The following LSAMP variants were observed in gnomAD, a reference collection of about 807,000 sequenced individuals.
The protein encoded by LSAMP is limbic system associated membrane protein, also known as limbic system-associated membrane protein.
A neutral mutation model predicts 38.6 loss-of-function variants in LSAMP; 7 were observed. That is an observed-to-expected ratio of 0.18 (90% CI 0.10 to 0.34). The LOEUF (loss-of-function observed/expected upper bound fraction) is 0.34, where lower values mean the gene tolerates loss of function less well. LSAMP is among the 10% of genes least tolerant of loss of function. The pLI is 1.00. For synonymous variants in LSAMP, 154 were observed against 166.8 expected (o/e 0.92, Z 0.59); for missense variants, 313 against 420.0 (o/e 0.75, Z 2.23).
chr3:115,992,692 G>C (rs1939705780), intron 3 of LSAMP, among the ~76,000 whole-genome samples: 1 of 151,928 alleles, frequency 6.6e-6, no homozygotes, highest in South Asian at 2.1e-4. Flanking sequence ...ATCAGATAAT[G>C]TCGATACAGT....
intron 1 of LSAMP, among the ~76,000 whole-genome samples, chr3:116,414,443 T>A (rs1231632136): frequency 6.6e-6 from 1 of 152,138 alleles, no homozygotes; most frequent in Non-Finnish European, 1.5e-5. Flanking sequence ...TTCATTCATC[T>A]ATTTATTTAT....
chr3:116,198,981 G>C (rs530843969), intron 1 of LSAMP, among the ~76,000 whole-genome samples: 2 of 152,046 alleles, frequency 1.3e-5, no homozygotes, highest in Non-Finnish European at 2.9e-5. Context: ...CTACTCAGGA[G>C]GCTATGGCAG....
chr3:115,980,529 T>C (rs1419202546), intron 3 of LSAMP, among the ~76,000 whole-genome samples: 5 of 152,188 alleles, frequency 3.3e-5, no homozygotes, highest in African/African-American at 1.2e-4. Flanking sequence ...AACAGTTCTA[T>C]ATTTATTTCC....
chr3:115,839,232 T>C (rs1303924181), intron 6 of LSAMP, among the ~76,000 whole-genome samples: 16 of 132,152 alleles, frequency 1.2e-4, no homozygotes, highest in East Asian at 5.2e-4. Flanking sequence ...CTCCCTCCCT[T>C]CCTTCTTTCC....
At chr3:115,984,478 G>C (rs1039635420) in intron 3 of LSAMP, among the ~76,000 whole-genome samples, 12 of 152,142 alleles carry the variant, frequency 7.9e-5, no homozygotes, top group Non-Finnish European at 1.8e-4. Flanking sequence ...TCTACTATAG[G>C]TACAAAGTGT....
chr3:115,899,704 C>A (rs72955548), intron 3 of LSAMP, among the ~76,000 whole-genome samples: 1,526 of 152,226 alleles, frequency 0.01, 23 homozygotes, highest in African/African-American at 0.033. Context: ...GTATCTAACT[C>A]TATACATAGT....
intron 1 of LSAMP, among the ~76,000 whole-genome samples, chr3:116,298,380 G>C (rs969740515): frequency 6.6e-6 from 1 of 151,982 alleles, no homozygotes; most frequent in Non-Finnish European, 1.5e-5. Flanking sequence ...ATATTTGCTG[G>C]CTCCACATGT....
intron 3 of LSAMP, among the ~76,000 whole-genome samples, chr3:115,967,379 ATAT>A (rs1223944549): frequency 6.6e-6 from 1 of 152,158 alleles, no homozygotes; most frequent in African/African-American, 2.4e-5. Flanking sequence ...TTCATTGTCC[ATAT>A]TATTATCAAC....
In LSAMP at chr3:115,841,873, C is replaced by T. The variant is rs750192060; in HGVS notation, c.891G>A (p.Gly297=). 2.2e-5 allele frequency: 36 copies of T among 1,613,614 alleles called. No homozygotes were observed. Among genetic ancestry groups the T allele is most frequent in the Non-Finnish European group, 3.1e-5 (36 of 1,179,840 alleles). The change falls in exon 6 of 7, where the codon GGG becomes GGA. Residue 297 remains glycine (G), a synonymous_variant. Transcript: ENST00000490035. The stretch of plus-strand genomic sequence containing the variant: ...AAAGGACTAGGCTGGCATTGGTGAC[C>T]CCCAGCTTGTTGGCAGCCACACAGG... ...NYTCVAANKL[G]VTNASLVLFR...
rs549038956 is a variant in LSAMP at position 116,235,393 on chromosome 3, G to A, written c.156-148837C>T. ...GGTCTCCCAAGTTGCTGGAATTATA[G>A]GCATGAGCCACCACACCCAGGCTTT... On this transcript the variant is annotated intron_variant, in intron 1 of 6. Transcript: ENST00000490035. 6.6e-4 allele frequency among the ~76,000 whole-genome samples: 100 copies of A among 152,132 alleles called. 1 individual carries two copies. The highest frequency in any genetic ancestry group is 2.4e-3 in the African/African-American group (98 of 41,492).
chr3:116,299,059 T>C (rs1201586177), intron 1 of LSAMP, among the ~76,000 whole-genome samples: 5 of 152,334 alleles, frequency 3.3e-5, no homozygotes, highest in African/African-American at 1.2e-4. Context: ...TATGCAAATG[T>C]CTCAGAGCAC....
Position 116,294,015 on chromosome 3 carries a change from T to G in LSAMP, c.155+150862A>C, listed in dbSNP as rs115474417. Among the ~76,000 whole-genome samples, 948 of 152,244 alleles carry G rather than the reference T, an allele frequency of 6.2e-3. 7 individuals carry two copies. The highest frequency in any genetic ancestry group is 0.021 in the African/African-American group (892 of 41,544). The stretch of plus-strand genomic sequence containing the variant: ...TATTAGTCATTTACTTCATTGGTTG[T>G]TTGATTCTCTAGCTGAAAGGATGAA... On this transcript the variant is annotated intron_variant, in intron 1 of 6. Coordinates refer to ENST00000490035, the MANE Select transcript of LSAMP (RefSeq NM_002338.5).
chr3:115,879,062 A>C (rs16824235), intron 3 of LSAMP, among the ~76,000 whole-genome samples: 1 of 152,066 alleles, frequency 6.6e-6, no homozygotes, highest in Non-Finnish European at 1.5e-5. Context: ...TAGGCCCTAC[A>C]TAATCACTCT....
chr3:116,427,598 C>A (rs2049219897), intron 1 of LSAMP, among the ~76,000 whole-genome samples: 1 of 152,050 alleles, frequency 6.6e-6, no homozygotes, highest in Non-Finnish European at 1.5e-5. Context: ...GTGGGGCTTG[C>A]AATTTTTACA....
chr3:116,016,548 C>T (rs1451590966), intron 3 of LSAMP, among the ~76,000 whole-genome samples: 1 of 152,152 alleles, frequency 6.6e-6, no homozygotes, highest in Non-Finnish European at 1.5e-5. Context: ...AATCCTTGTC[C>T]TATGTCCCAA....
chr3:115,893,043 A>C (rs1936640472), intron 3 of LSAMP, among the ~76,000 whole-genome samples: 1 of 151,958 alleles, frequency 6.6e-6, no homozygotes, highest in Non-Finnish European at 1.5e-5. Context: ...AAACTAACAC[A>C]GGAACAGAAA....
intron 6 of LSAMP, among the ~76,000 whole-genome samples, chr3:115,829,292 A>G (rs1021387935): frequency 1.3e-5 from 2 of 152,180 alleles, no homozygotes; most frequent in Non-Finnish European, 2.9e-5. Flanking sequence ...TTGATTCCAC[A>G]TGAAATATTG....
chr3:116,344,277 A>G (rs1201911804), intron 1 of LSAMP, among the ~76,000 whole-genome samples: 2 of 152,164 alleles, frequency 1.3e-5, no homozygotes, highest in Non-Finnish European at 2.9e-5. Flanking sequence ...TGAAGATTAG[A>G]TTGAAAGAAA....
At position 116,425,671 on chromosome 3, in the gene LSAMP, T is replaced by C. The variant is rs140411828; in HGVS notation, c.155+19206A>G. Among the ~76,000 whole-genome samples the C allele has an allele frequency of 4.0e-3, 604 of 152,144 alleles. 6 individuals carry two copies. The highest frequency in any genetic ancestry group is 0.014 in the African/African-American group (581 of 41,512). ...AGGGAGCTTAAAATCTGGTTGAAGA[T>C]ACAGAACTAAAATGCAGAAAACTAT... On this transcript the variant is annotated intron_variant, in intron 1 of 6. Transcript: ENST00000490035.
Sources: allele counts gnomAD v4.1 joint callset (sites outside exome capture counted in the v4.1 genomes callset), GRCh38; gene constraint gnomAD v4.1.1; transcripts MANE v1.5; gene names NCBI Gene and HGNC (gene_info 2026-07-23, HGNC 2026-07-21).